Variants in CAST observed in about 807,000 individuals in gnomAD.
CAST encodes the protein calpastatin, also known as MIR583 host.
A neutral mutation model predicts 119.6 loss-of-function variants in CAST; 76 were observed. The observed-to-expected ratio is 0.64, with a 90% confidence interval of 0.53 to 0.77. The LOEUF (loss-of-function observed/expected upper bound fraction) is 0.77, where lower values mean the gene tolerates loss of function less well. CAST is among the 30% of genes least tolerant of loss of function. CAST has a pLI of 0.00. For missense variants in CAST, 953 were observed against 946.5 expected (o/e 1.01, Z -0.09); for synonymous variants, 319 against 331.6 (o/e 0.96, Z 0.41).
intron 1 of CAST, among the ~76,000 whole-genome samples, chr5:96,664,316 C>T (rs913998388): frequency 2.0e-5 from 3 of 149,866 alleles, no homozygotes; most frequent in Admixed American, 6.6e-5. Flanking sequence ...TATATATTTA[C>T]ACATATATGT....
intron 2 of CAST, among the ~76,000 whole-genome samples, chr5:96,685,467 G>T (rs150428866): frequency 6.6e-6 from 1 of 152,172 alleles, no homozygotes; most frequent in Non-Finnish European, 1.5e-5. Flanking sequence ...GATTCTTATC[G>T]TAATGTCAAT....
chr5:96,350,252 A>G, the CAST span, among the ~76,000 whole-genome samples: 1 of 151,846 alleles, frequency 6.6e-6, no homozygotes, highest in African/African-American at 2.4e-5. Flanking sequence ...TAGATAAGAG[A>G]CAAACAGTTG....
chr5:96,711,717 C>T (rs564923490), intron 3 of CAST, among the ~76,000 whole-genome samples: 15 of 152,292 alleles, frequency 9.8e-5, no homozygotes, highest in African/African-American at 3.6e-4. Context: ...TAGTTTGTAT[C>T]TAAGTAGTTT....
chr5:96,100,019 C>T, the CAST span, among the ~76,000 whole-genome samples: 2 of 152,150 alleles, frequency 1.3e-5, no homozygotes, highest in Non-Finnish European at 2.9e-5. Context: ...CGTTATTGAT[C>T]TGTTCAGGGA....
the CAST span, among the ~76,000 whole-genome samples, chr5:96,052,383 A>C: frequency 6.6e-6 from 1 of 151,996 alleles, no homozygotes; most frequent in East Asian, 1.9e-4. Context: ...ACAAGACACA[A>C]CCATACAACC....
intron 1 of CAST, among the ~76,000 whole-genome samples, chr5:96,597,841 G>A (rs1039579427): frequency 2.0e-5 from 3 of 151,984 alleles, no homozygotes; most frequent in Non-Finnish European, 2.9e-5. Context: ...TGGGGGTCAG[G>A]GTGGTTTTGT....
the CAST span, among the ~76,000 whole-genome samples, chr5:96,445,118 C>T: frequency 6.6e-6 from 1 of 152,228 alleles, no homozygotes; most frequent in Non-Finnish European, 1.5e-5. Flanking sequence ...GAGGACTGCA[C>T]TCACTGTGCC....
the CAST span, among the ~76,000 whole-genome samples, chr5:96,067,765 A>G: frequency 2.0e-5 from 3 of 152,076 alleles, no homozygotes; most frequent in African/African-American, 7.2e-5. Flanking sequence ...GACTCCCTTT[A>G]ATCTGAAACA....
chr5:96,688,802 A>T (rs1752377135), intron 2 of CAST, among the ~76,000 whole-genome samples: 1 of 152,218 alleles, frequency 6.6e-6, no homozygotes, highest in South Asian at 2.1e-4. Flanking sequence ...AAAGAACAAT[A>T]AGCAGCATAG....
chr5:96,224,784 A>C, the CAST span, among the ~76,000 whole-genome samples: 1 of 152,234 alleles, frequency 6.6e-6, no homozygotes, highest in East Asian at 1.9e-4. Flanking sequence ...CAGATGATGC[A>C]TGATGGCCAG....
the CAST span, among the ~76,000 whole-genome samples, chr5:96,120,020 A>T: frequency 6.6e-6 from 1 of 152,158 alleles, no homozygotes; most frequent in Non-Finnish European, 1.5e-5. Context: ...TTTTATTCCG[A>T]GATATCTTTC....
At chr5:96,596,983 C>A (rs1301641829) in intron 1 of CAST, among the ~76,000 whole-genome samples, 1 of 152,146 alleles carries the variant, frequency 6.6e-6, no homozygotes, top group Non-Finnish European at 1.5e-5. Context: ...TAGGGTCCAA[C>A]CTCTATGACC....
At chr5:95,970,818 T>C in the CAST span, among the ~76,000 whole-genome samples, 1 of 152,232 alleles carries the variant, frequency 6.6e-6, no homozygotes, top group African/African-American at 2.4e-5. Context: ...AAATCACTCA[T>C]GTATAAAATG....
chr5:96,186,780 T>C, the CAST span, among the ~76,000 whole-genome samples: 1 of 152,226 alleles, frequency 6.6e-6, no homozygotes, highest in South Asian at 2.1e-4. Flanking sequence ...TTTGCATTGA[T>C]GTTCATCAAG....
chr5:96,028,935 G>A, the CAST span, among the ~76,000 whole-genome samples: 1 of 152,120 alleles, frequency 6.6e-6, no homozygotes, highest in Non-Finnish European at 1.5e-5. Context: ...ACAAAGGTGA[G>A]CACGCCAGGA....
At chr5:96,531,013 G>T (rs1292871271) in intron 1 of CAST, among the ~76,000 whole-genome samples, 1 of 152,070 alleles carries the variant, frequency 6.6e-6, no homozygotes, top group Non-Finnish European at 1.5e-5. Context: ...GGCTGGTCTG[G>T]AATTACTGAG....
the CAST span, among the ~76,000 whole-genome samples, chr5:96,014,299 G>T: frequency 6.6e-6 from 1 of 151,954 alleles, no homozygotes; most frequent in Middle Eastern, 3.2e-3. Context: ...GCAGTAACAT[G>T]CATGCAACTG....
the CAST span, chr5:96,432,243 G>C: frequency 1.1e-6 from 1 of 900,626 alleles, no homozygotes; most frequent in African/African-American, 1.7e-5. Context: ...AGATGGTCCC[G>C]TGTCTTTCAC....
At chr5:96,610,275 G>T (rs1747334352) in intron 1 of CAST, among the ~76,000 whole-genome samples, 1 of 152,202 alleles carries the variant, frequency 6.6e-6, no homozygotes, top group Admixed American at 6.5e-5. Context: ...TGTACAGCCA[G>T]TGGAACCATA....
Sources: allele counts gnomAD v4.1 joint callset (sites outside exome capture counted in the v4.1 genomes callset), GRCh38; gene constraint gnomAD v4.1.1; transcripts MANE v1.5; gene names NCBI Gene and HGNC (gene_info 2026-07-23, HGNC 2026-07-21).